TBC1D10A: variants seen among roughly 807,000 people sequenced by gnomAD.
TBC1D10A encodes EBP50-PDX interactor of 64 kDa.
Under a neutral mutation model 52.9 loss-of-function variants are expected in TBC1D10A, and 24 were observed. The observed-to-expected ratio is 0.45, with a 90% CI of 0.33 to 0.64. TBC1D10A has a LOEUF of 0.64. Among genes scored for constraint, TBC1D10A ranks in the 30% least tolerant of loss-of-function variants. The probability of loss-of-function intolerance (pLI) is 0.02; values close to 1 mark genes in which losing one functional copy is unlikely to be tolerated. For missense variants in TBC1D10A, 602 were observed against 687.9 expected (o/e 0.88, Z 1.40); for synonymous variants, 278 against 282.9 (o/e 0.98, Z 0.17).
In TBC1D10A at chr22:30,292,807, G is replaced by A. The variant is rs1180338741; in HGVS notation, c.1095C>T (p.His365=). 5 of 1,611,748 alleles carry A rather than the reference G, an allele frequency of 3.1e-6. No individual in the cohort carries two copies. The African/African-American group carries it at 5.3e-5, about 17-fold the overall frequency. Residue 365 remains histidine, a synonymous_variant, in exon 9 of 9, where the codon CAC becomes CAT. Transcript: ENST00000215790. ...PVTERQIERE[H]LIQLRRWQET... is the part of the protein sequence containing the mutation. ...CCTGCCAGCGCCGCAGCTGAATGAG[G>A]TGTTCGCGCTCAATCTGGCGCTCTG...
chr22:30,294,340 G>T (rs1456209670), intron 6 of TBC1D10A, among the ~76,000 whole-genome samples: 2 of 152,214 alleles, frequency 1.3e-5, no homozygotes, highest in African/African-American at 2.4e-5. Flanking sequence ...GGCTAGGGGA[G>T]GGGGAGGAGG....
intron 1 of TBC1D10A, among the ~76,000 whole-genome samples, chr22:30,311,098 C>T (rs975332153): frequency 6.6e-6 from 1 of 152,212 alleles, no homozygotes; most frequent in African/African-American, 2.4e-5. Context: ...AAACAAAAGG[C>T]TGACCTGTTT....
intron 1 of TBC1D10A, among the ~76,000 whole-genome samples, chr22:30,326,340 G>T (rs993938703): frequency 6.6e-6 from 1 of 151,780 alleles, no homozygotes; most frequent in African/African-American, 2.4e-5. Flanking sequence ...CTAAGGTCTT[G>T]GCGGCAGGGG....
chr22:30,324,080 A>T (rs1177265245), intron 1 of TBC1D10A, among the ~76,000 whole-genome samples: 1 of 152,126 alleles, frequency 6.6e-6, no homozygotes, highest in Non-Finnish European at 1.5e-5. Flanking sequence ...TCTTACCCCC[A>T]GGCCTGGCAA....
In TBC1D10A at chr22:30,292,559, G is replaced by A. The variant is rs199809890; in HGVS notation, c.1343C>T (p.Pro448Leu). The change falls in exon 9 of 9, where the codon CCC becomes CTC. Residue 448 changes from proline to leucine, a missense_variant. Physicochemically the swap from Pro to Leu is moderately conservative, Grantham distance 98. Transcript: ENST00000215790. ...QMKGRGQLEK[P>L]PAPNQAMVVA... Reference sequence around the variant, plus strand: ...CACCATGGCTTGATTTGGGGCTGGGGGCTTCTCCAGCTGCCCTCTCCCCTT... The same window carrying A: ...CACCATGGCTTGATTTGGGGCTGGGAGCTTCTCCAGCTGCCCTCTCCCCTT... 5.0e-6 allele frequency: 8 copies of A among 1,613,618 alleles called. No individual in the cohort carries two copies. The African/African-American group carries it at 8.0e-5, about 16-fold the overall frequency.
At chr22:30,314,166 T>G (rs936665771) in intron 1 of TBC1D10A, among the ~76,000 whole-genome samples, 3 of 152,150 alleles carry the variant, frequency 2.0e-5, no homozygotes, top group Non-Finnish European at 4.4e-5. Context: ...GGGATGGCAC[T>G]GGAAAGTGAA....
At chr22:30,317,410 C>CA (rs780380764) in intron 1 of TBC1D10A, among the ~76,000 whole-genome samples, 1 of 151,016 alleles carries the variant, frequency 6.6e-6, no homozygotes, top group African/African-American at 2.4e-5. Flanking sequence ...AACTCCATCT[C>CA]AAAAAAACAA....
chr22:30,322,298 C>G (rs1930670847), intron 1 of TBC1D10A, among the ~76,000 whole-genome samples: 1 of 152,036 alleles, frequency 6.6e-6, no homozygotes, highest in African/African-American at 2.4e-5. Context: ...GGCTTCAATG[C>G]CCCACTCGGT....
At chr22:30,304,779 T>C (rs1930277897) in intron 1 of TBC1D10A, 149 bp from the exon 2 acceptor site, 2 of 1,389,056 alleles carry the variant, frequency 1.4e-6, no homozygotes, top group Non-Finnish European at 1.9e-6. Context: ...GACCATCCTA[T>C]TGCAGATGAG....
chr22:30,303,927 TC>T (rs1930258674), intron 2 of TBC1D10A, among the ~76,000 whole-genome samples: 2 of 152,222 alleles, frequency 1.3e-5, no homozygotes, highest in South Asian at 4.1e-4. Flanking sequence ...CGTAAGACTA[TC>T]ATTAAAGTGT....
chr22:30,301,784 G>A (rs1271755624), intron 2 of TBC1D10A, among the ~76,000 whole-genome samples: 1 of 152,212 alleles, frequency 6.6e-6, no homozygotes, highest in African/African-American at 2.4e-5. Flanking sequence ...GGGTGGTGGG[G>A]GAAGAGTAGC....
chr22:30,305,276 T>C (rs545886674), intron 1 of TBC1D10A, among the ~76,000 whole-genome samples: 16 of 152,360 alleles, frequency 1.1e-4, no homozygotes, highest in South Asian at 2.1e-4. Context: ...TGCAGTGTTC[T>C]AGGGCGAGGG....
chr22:30,295,126 A>T, intron 4 of TBC1D10A, 71 bp from the exon 5 acceptor site: 1 of 1,465,084 alleles, frequency 6.8e-7, no homozygotes, highest in Non-Finnish European at 9.4e-7. Flanking sequence ...CCTATGCCCC[A>T]GTGGACCAGC....
intron 2 of TBC1D10A, 111 bp from the exon 3 acceptor site, chr22:30,299,662 A>T: frequency 1.0e-6 from 1 of 974,998 alleles, no homozygotes; most frequent in Non-Finnish European, 1.5e-6. Context: ...GCAAGAGCAG[A>T]AACAGGGAGA....
intron 2 of TBC1D10A, among the ~76,000 whole-genome samples, chr22:30,301,956 G>C (rs1439983334): frequency 6.6e-6 from 1 of 152,224 alleles, no homozygotes; most frequent in Non-Finnish European, 1.5e-5. Flanking sequence ...CTTTGGCAAA[G>C]GGATGTGCTT....
At chr22:30,321,130 C>A (rs1483839696) in intron 1 of TBC1D10A, among the ~76,000 whole-genome samples, 1 of 152,228 alleles carries the variant, frequency 6.6e-6, no homozygotes, top group Non-Finnish European at 1.5e-5. Context: ...CCCAGGGTAG[C>A]AGCTGGTGTG....
At chr22:30,313,341 A>ATG (rs6147586) in intron 1 of TBC1D10A, among the ~76,000 whole-genome samples, 21,781 of 137,458 alleles carry the variant, frequency 0.16, 1,653 homozygotes, top group East Asian at 0.22. Context: ...TGCTCAATAA[A>ATG]TGTGTGTGTG....
chr22:30,313,550 ATTTTTTTTTTTTTTTTT>A (rs35640957), intron 1 of TBC1D10A, among the ~76,000 whole-genome samples: 2 of 42,200 alleles, frequency 4.7e-5, no homozygotes, highest in African/African-American at 1.2e-4. Flanking sequence ...CGGCCAGCTA[ATTTTTTTTTTTTTTTTT>A]TTTTTTTTTT....
At chr22:30,295,579 T>C (rs1239856866) in intron 4 of TBC1D10A, among the ~76,000 whole-genome samples, 158 bp downstream of exon 4, 1 of 152,136 alleles carries the variant, frequency 6.6e-6, no homozygotes, top group Non-Finnish European at 1.5e-5. Flanking sequence ...GAGGAGATGC[T>C]GAGAACACAC....
Sources: gnomAD v4.1 joint callset for allele counts (sites outside exome capture counted in the v4.1 genomes callset) on GRCh38, gnomAD v4.1.1 for gene constraint, MANE v1.5 for transcripts, NCBI Gene and HGNC (gene_info 2026-07-23, HGNC 2026-07-21) for gene names.